The following ASAH2 variants were observed in gnomAD, a reference collection of about 807,000 sequenced individuals.
The protein encoded by ASAH2 is N-acylsphingosine amidohydrolase 2, also known as neutral ceramidase.
A neutral mutation model predicts 82.9 loss-of-function variants in ASAH2; 58 were observed. That is an observed-to-expected ratio of 0.70 (90% confidence interval 0.57 to 0.87). The LOEUF (loss-of-function observed/expected upper bound fraction) is 0.87, where lower values mean the gene tolerates loss of function less well. ASAH2 is among the 40% of genes least tolerant of loss of function. The probability of loss-of-function intolerance (pLI) is 0.00; values close to 1 mark genes in which losing one functional copy is unlikely to be tolerated. For missense variants in ASAH2, 779 were observed against 834.0 expected, an observed-to-expected ratio of 0.93 and a Z score of 0.81; for synonymous variants, 276 against 289.7, an observed-to-expected ratio of 0.95 and a Z score of 0.48.
chr10:50,249,421 A>G (rs1846557724), intron 1 of ASAH2, among the ~76,000 whole-genome samples: 1 of 152,222 alleles, frequency 6.6e-6, no homozygotes, highest in African/African-American at 2.4e-5. Flanking sequence ...GAGGAACTAT[A>G]CAAGTTAAAA....
chr10:50,200,790 A>G (rs944175921), intron 16 of ASAH2, among the ~76,000 whole-genome samples: 2 of 152,130 alleles, frequency 1.3e-5, no homozygotes, highest in African/African-American at 4.8e-5. Flanking sequence ...TACTTGCTGG[A>G]GTATATCCCT....
At chr10:50,221,558 C>A (rs1351624016) in intron 7 of ASAH2, among the ~76,000 whole-genome samples, 1 of 151,542 alleles carries the variant, frequency 6.6e-6, no homozygotes, top group Non-Finnish European at 1.5e-5. Context: ...AAACTAAGTC[C>A]CAGAGTGGTA....
At chr10:50,244,359 A>G (rs1846388278) in intron 3 of ASAH2, among the ~76,000 whole-genome samples, 1 of 146,372 alleles carries the variant, frequency 6.8e-6, no homozygotes, top group South Asian at 2.1e-4. Context: ...CATAAAATTT[A>G]CCCATAAAAC....
intron 7 of ASAH2, among the ~76,000 whole-genome samples, chr10:50,223,149 TA>T (rs1465457916): frequency 6.6e-6 from 1 of 152,136 alleles, no homozygotes; most frequent in East Asian, 1.9e-4. Context: ...GACTGAAAAA[TA>T]ATAGATTTCA....
Position 50,187,118 on chromosome 10 carries a change from TCACA to T in ASAH2, c.*193_*196del, listed in dbSNP as rs1171385681. On this transcript the variant is annotated 3_prime_UTR_variant, in exon 21 of 21. Transcript: ENST00000682911. ...CTCTCTCTCTCTCTCTCTCTCTCTCTCACACACACACACACACACACACACACAC... is the reference window on the plus strand; with the variant it reads ...CTCTCTCTCTCTCTCTCTCTCTCTCTCACACACACACACACACACACACAC... The T allele has an allele frequency of 0.13, 20,649 of 153,910 alleles. 1,213 individuals carry two copies. Among genetic ancestry groups the T allele is most frequent in the East Asian group, 0.21 (1,199 of 5,840 alleles). 9.5% of individuals were successfully genotyped at this position (153,910 alleles called of 1,614,324 possible).
At chr10:50,243,538 TATC>T (rs1397171378) in intron 3 of ASAH2, among the ~76,000 whole-genome samples, 187 bp from the exon 4 acceptor site, 6 of 152,128 alleles carry the variant, frequency 3.9e-5, no homozygotes, top group African/African-American at 1.2e-4. Flanking sequence ...AGCCAAAAAA[TATC>T]ATAAAAGAGG....
intron 9 of ASAH2, among the ~76,000 whole-genome samples, chr10:50,213,455 A>G (rs1338947133): frequency 6.6e-6 from 1 of 152,178 alleles, no homozygotes; most frequent in Non-Finnish European, 1.5e-5. Context: ...TTAAAATTAT[A>G]TTGGAACAAC....
intron 12 of ASAH2, among the ~76,000 whole-genome samples, chr10:50,206,819 A>G (rs1845311538): frequency 6.6e-6 from 1 of 151,894 alleles, no homozygotes; most frequent in Non-Finnish European, 1.5e-5. Context: ...CAGAAGATCA[A>G]CAGAAAACTT....
chr10:50,244,210 A>G (rs1236788309), intron 3 of ASAH2, among the ~76,000 whole-genome samples: 1 of 152,200 alleles, frequency 6.6e-6, no homozygotes, highest in East Asian at 1.9e-4. Flanking sequence ...ATGTTGTGGC[A>G]GCAGGCTGTC....
chr10:50,203,583 TAC>T (rs1845217877), intron 15 of ASAH2, 55 bp downstream of exon 15: 1 of 769,616 alleles, frequency 1.3e-6, no homozygotes, highest in Non-Finnish European at 2.1e-6. Flanking sequence ...GGATAGGATA[TAC>T]TTTCCTCTTC....
At chr10:50,216,308 TAA>T (rs5784823) in intron 8 of ASAH2, among the ~76,000 whole-genome samples, 114,067 of 151,042 alleles carry the variant, frequency 0.76, 45,143 homozygotes, top group Non-Finnish European at 0.88. Context: ...AGTATAATAA[TAA>T]AAAAAAAAAT....
chr10:50,247,469 C>G (rs1423439801), intron 2 of ASAH2, among the ~76,000 whole-genome samples: 2 of 151,970 alleles, frequency 1.3e-5, no homozygotes, highest in Non-Finnish European at 2.9e-5. Context: ...CCAGCCAAAA[C>G]TGAATAATTC....
intron 2 of ASAH2, among the ~76,000 whole-genome samples, chr10:50,246,760 C>T (rs1265122043): frequency 6.6e-6 from 1 of 152,150 alleles, no homozygotes; most frequent in Non-Finnish European, 1.5e-5. Context: ...TCTTCTCATT[C>T]CCAAGCCGAG....
At chr10:50,233,131 T>A in intron 7 of ASAH2, 53 bp downstream of exon 7, 1 of 1,309,140 alleles carries the variant, frequency 7.6e-7, no homozygotes, top group Non-Finnish European at 1.1e-6. Context: ...TCCCTTCTCT[T>A]TAATTAAGAA....
intron 7 of ASAH2, among the ~76,000 whole-genome samples, chr10:50,232,742 T>C (rs1156471707): frequency 6.6e-6 from 1 of 152,180 alleles, no homozygotes; most frequent in Non-Finnish European, 1.5e-5. Context: ...TTGGACTTAA[T>C]CCTTTTAGGG....
intron 6 of ASAH2, 49 bp from the exon 7 acceptor site, chr10:50,233,310 CCCTCATGT>C: frequency 7.3e-7 from 1 of 1,361,128 alleles, no homozygotes; most frequent in Non-Finnish European, 1.1e-6. Context: ...TAGAGCCTAA[CCCTCATGT>C]AAGATGAACA....
At position 50,211,117 on chromosome 10, in the gene ASAH2, G is replaced by A. The variant is rs1461796899; in HGVS notation, c.1245C>T (p.Ala415=). The change falls in exon 11 of 21, where the codon GCC becomes GCT. Residue 415 remains alanine, a synonymous_variant. Transcript: ENST00000682911. ...YQRAKELYAS[A]SQEVTGPLAS... The stretch of plus-strand genomic sequence containing the variant: ...CCAGTGGTCCTGTTACCTCCTGGGA[G>A]GCAGAGGCATAGAGTTCCTAGAAAA... 2 of 1,613,224 alleles carry A rather than the reference G, an allele frequency of 1.2e-6. No individual in the cohort carries two copies. Among genetic ancestry groups the A allele is most frequent in the South Asian group, 2.2e-5 (2 of 91,062 alleles).
Position 50,236,051 on chromosome 10 carries a change from A to C in ASAH2, c.524T>G (p.Leu175Arg), listed in dbSNP as rs1311795148. The change falls in exon 5 of 21, where the codon CTG becomes CGG. Residue 175 changes from leucine to arginine, a missense_variant. Around this residue, in one of 3 missense-constraint regions of ASAH2, gnomAD observed 759 missense variants for 755.2 expected, o/e 1.00. Transcript: ENST00000682911. The stretch of plus-strand genomic sequence containing the variant: ...GTACAGGGAGCCATATTTACTCTGC[A>C]GTCTGTTCAGGACCTTCAAGAAAAA... The part of the protein sequence containing the change: ...QRLRLEVLNR[L>R]QSKYGSLYRR... The C allele has an allele frequency of 6.2e-7, 1 of 1,613,126 alleles. No individual in the cohort carries two copies. The highest frequency in any genetic ancestry group is 2.2e-5 in the East Asian group (1 of 44,884).
chr10:50,196,395 G>T (rs1844984516), intron 18 of ASAH2, among the ~76,000 whole-genome samples: 1 of 151,388 alleles, frequency 6.6e-6, no homozygotes, highest in African/African-American at 2.4e-5. Flanking sequence ...CAGAAAAACT[G>T]TTGAAACTAA....
Sources: allele counts gnomAD v4.1 joint callset (sites outside exome capture counted in the v4.1 genomes callset), GRCh38; gene constraint gnomAD v4.1.1; regional missense constraint gnomAD v4.1.1; transcripts MANE v1.5; gene names NCBI Gene and HGNC (gene_info 2026-07-23, HGNC 2026-07-21).